Variants in WDR49 observed in about 807,000 individuals in gnomAD.
The protein encoded by WDR49 is WD repeat domain 49, also known as cilia- and flagella-associated protein 337.
WDR49 carries 107 observed loss-of-function variants against 119.5 expected under a neutral mutation model. That is an observed-to-expected ratio of 0.90 (90% CI 0.77 to 1.05). The LOEUF (loss-of-function observed/expected upper bound fraction) is 1.05. WDR49 is among the 50% of genes least tolerant of loss of function. The probability of loss-of-function intolerance (pLI) is 0.00; values close to 1 mark genes in which losing one functional copy is unlikely to be tolerated. For synonymous variants in WDR49, 425 were observed against 418.8 expected, an observed-to-expected ratio of 1.01 and a Z score of -0.18; for missense variants, 1,240 against 1,220.5, an observed-to-expected ratio of 1.02 and a Z score of -0.24.
At chr3:167,483,789 T>A (rs1750816189) in intron 18 of WDR49, among the ~76,000 whole-genome samples, 1 of 152,058 alleles carries the variant, frequency 6.6e-6, no homozygotes, top group Non-Finnish European at 1.5e-5. Context: ...CCTAGAACAC[T>A]CTCAAACTCC....
At chr3:167,528,947 A>AT (rs1752742026) in intron 14 of WDR49, 105 bp downstream of exon 14, 2 of 874,912 alleles carry the variant, frequency 2.3e-6, no homozygotes, top group Middle Eastern at 3.3e-4. Context: ...TAGACTATAC[A>AT]TTTTTTCCTT....
chr3:167,592,437 C>CT (rs372398450), intron 7 of WDR49, among the ~76,000 whole-genome samples: 7,817 of 133,286 alleles, frequency 0.059, 678 homozygotes, highest in African/African-American at 0.19. Flanking sequence ...TTTTCTTTTT[C>CT]TTTTTTTTTT....
chr3:167,599,871 C>T (rs1265999260), intron 7 of WDR49, among the ~76,000 whole-genome samples: 2 of 152,168 alleles, frequency 1.3e-5, no homozygotes, highest in African/African-American at 2.4e-5. Flanking sequence ...CAACACATCT[C>T]GGTCTCACCC....
chr3:167,487,573 A>G (rs1750973926), intron 18 of WDR49, among the ~76,000 whole-genome samples: 1 of 152,146 alleles, frequency 6.6e-6, no homozygotes, highest in South Asian at 2.1e-4. Context: ...AAAACAAACC[A>G]TCAACAGAGT....
chr3:167,587,840 T>C (rs2108293664), intron 7 of WDR49, among the ~76,000 whole-genome samples: 1 of 152,264 alleles, frequency 6.6e-6, no homozygotes, highest in East Asian at 1.9e-4. Context: ...AGTAGGTGTA[T>C]ATATTTATTG....
rs191668116 is a variant in WDR49, at chr3:167,635,966, T to A, written c.166-8674A>T. Among the ~76,000 whole-genome samples, 253 of 146,188 alleles carry A rather than the reference T, an allele frequency of 1.7e-3. 1 individual carries two copies. The highest frequency in any genetic ancestry group is 0.014 in the East Asian group (73 of 5,140). The stretch of plus-strand genomic sequence containing the variant: ...AGCACTCACCACTAAATTAAAAAAA[T>A]TTTTTTTTATTTCCATAGGTTTTTT... On this transcript the variant is annotated intron_variant, in intron 2 of 18. Coordinates refer to ENST00000682715, the MANE Select transcript of WDR49 (RefSeq NM_001366157.1).
intron 5 of WDR49, 50 bp from the exon 6 acceptor site, chr3:167,604,518 A>G: frequency 1.3e-6 from 2 of 1,485,774 alleles, no homozygotes; most frequent in Non-Finnish European, 1.8e-6. Context: ...ATTCTTCACA[A>G]GATATTAGTA....
chr3:167,543,190 T>C (rs1711949215), intron 10 of WDR49, among the ~76,000 whole-genome samples: 1 of 151,910 alleles, frequency 6.6e-6, no homozygotes, highest in Non-Finnish European at 1.5e-5. Flanking sequence ...GATGGATTCA[T>C]AGCTGAATTC....
At position 167,500,305 on chromosome 3, in the gene WDR49, C is replaced by T. The variant is rs1577200095; in HGVS notation, c.2885-6G>A. Reference sequence around the variant, plus strand: ...GTTTAATGACCTAAATGTACCTTCACAACAGCAGGTTTTAGAGGAAGACAG... The same window carrying T: ...GTTTAATGACCTAAATGTACCTTCATAACAGCAGGTTTTAGAGGAAGACAG... On this transcript the variant is annotated splice_region_variant and splice_polypyrimidine_tract_variant and intron_variant, in intron 17 of 18. Transcript: ENST00000682715. 2 of 1,604,558 alleles carry T rather than the reference C, an allele frequency of 1.2e-6. No individual in the cohort carries two copies. Among genetic ancestry groups the T allele is most frequent in the Non-Finnish European group, 1.7e-6 (2 of 1,177,036 alleles).
chr3:167,604,927 T>C (rs961012166), intron 5 of WDR49, among the ~76,000 whole-genome samples: 1 of 152,132 alleles, frequency 6.6e-6, no homozygotes, highest in African/African-American at 2.4e-5. Flanking sequence ...AGAATAAATT[T>C]CTGCTTCACA....
intron 13 of WDR49, among the ~76,000 whole-genome samples, 178 bp downstream of exon 13, chr3:167,530,937 C>A (rs565246844): frequency 9.2e-5 from 14 of 152,152 alleles, no homozygotes; most frequent in African/African-American, 3.1e-4. Flanking sequence ...CTGGCTCCTG[C>A]TCTTGAATCC....
intron 8 of WDR49, among the ~76,000 whole-genome samples, chr3:167,570,444 C>T (rs754504848): frequency 5.3e-5 from 8 of 151,968 alleles, no homozygotes; most frequent in Non-Finnish European, 1.2e-4. Context: ...ATACCTCATC[C>T]CTCATTTTTT....
At chr3:167,622,551 T>C (rs796672230) in intron 3 of WDR49, among the ~76,000 whole-genome samples, 3 of 152,252 alleles carry the variant, frequency 2.0e-5, no homozygotes, top group African/African-American at 7.2e-5. Context: ...TTTCTAACAA[T>C]ACAGCCCCGT....
chr3:167,590,572 T>G (rs955642455), intron 7 of WDR49, among the ~76,000 whole-genome samples: 4 of 152,050 alleles, frequency 2.6e-5, no homozygotes, highest in African/African-American at 9.7e-5. Flanking sequence ...ATGGCTTCAG[T>G]CTCATTACTT....
chr3:167,635,670 T>A (rs1372572271), intron 2 of WDR49, among the ~76,000 whole-genome samples: 1 of 151,668 alleles, frequency 6.6e-6, no homozygotes, highest in Non-Finnish European at 1.5e-5. Context: ...CTGTCAAAGG[T>A]TGGCAGTGGG....
intron 15 of WDR49, among the ~76,000 whole-genome samples, chr3:167,524,860 T>C (rs1365934065): frequency 6.6e-6 from 1 of 152,180 alleles, no homozygotes; most frequent in East Asian, 1.9e-4. Flanking sequence ...GCTTTGTTCT[T>C]TTTGCTTAGG....
At chr3:167,533,868 GGT>G (rs1187582808) in intron 11 of WDR49, among the ~76,000 whole-genome samples, 2 of 151,990 alleles carry the variant, frequency 1.3e-5, no homozygotes, top group African/African-American at 4.8e-5. Flanking sequence ...ATGTACAAAT[GGT>G]GACTTTTTTG....
chr3:167,645,901 G>A (rs1307565662), intron 2 of WDR49, among the ~76,000 whole-genome samples: 4 of 152,174 alleles, frequency 2.6e-5, no homozygotes, highest in Admixed American at 2.0e-4. Context: ...CATATAGGAA[G>A]CTATGAGAAG....
chr3:167,543,188 C>T (rs1711948861), intron 10 of WDR49, among the ~76,000 whole-genome samples: 1 of 151,926 alleles, frequency 6.6e-6, no homozygotes, highest in Admixed American at 6.6e-5. Flanking sequence ...TGGATGGATT[C>T]ATAGCTGAAT....
Sources: gnomAD v4.1 joint callset for allele counts (sites outside exome capture counted in the v4.1 genomes callset) on GRCh38, gnomAD v4.1.1 for gene constraint, MANE v1.5 for transcripts, NCBI Gene and HGNC (gene_info 2026-07-23, HGNC 2026-07-21) for gene names.